Variants in XIRP2 observed in about 807,000 individuals in gnomAD.
The protein encoded by XIRP2 is xin actin binding repeat containing 2.
Under a neutral mutation model 277.0 loss-of-function variants are expected in XIRP2, and 236 were observed. The ratio of observed to expected loss-of-function variants is 0.85; its 90% CI spans 0.77 to 0.95. The LOEUF (loss-of-function observed/expected upper bound fraction) is 0.95, where lower values mean the gene tolerates loss of function less well. Among genes scored for constraint, XIRP2 ranks in the 40% least tolerant of loss-of-function variants. The pLI is 0.00. For synonymous variants in XIRP2, 1,490 were observed against 1,416.5 expected, an observed-to-expected ratio of 1.05 and a Z score of -1.17; for missense variants, 4,640 against 4,157.5, an observed-to-expected ratio of 1.12 and a Z score of -3.19.
chr2:167,220,793 G>T (rs757038724), intron 5 of XIRP2, among the ~76,000 whole-genome samples: 1 of 152,140 alleles, frequency 6.6e-6, no homozygotes, highest in Non-Finnish European at 1.5e-5. Context: ...TCAGCATATG[G>T]TTTTCAATGA....
At chr2:166,910,379 G>C (rs1684666636) in intron 2 of XIRP2, among the ~76,000 whole-genome samples, 1 of 152,142 alleles carries the variant, frequency 6.6e-6, no homozygotes, top group African/African-American at 2.4e-5. Context: ...ATTTCTTCTA[G>C]ATTTTCTAGT....
intron 2 of XIRP2, among the ~76,000 whole-genome samples, chr2:167,122,681 C>T (rs1691090174): frequency 6.6e-6 from 1 of 152,154 alleles, no homozygotes; most frequent in Non-Finnish European, 1.5e-5. Context: ...TGGCTGCCTA[C>T]TTAGTGTACT....
intron 2 of XIRP2, among the ~76,000 whole-genome samples, chr2:167,114,913 G>A (rs535383351): frequency 7.9e-5 from 12 of 152,190 alleles, no homozygotes; most frequent in African/African-American, 2.4e-4. Context: ...ATACGTGTGT[G>A]TGTGTCTTTA....
chr2:167,217,693 G>T (rs1413913417), intron 4 of XIRP2, among the ~76,000 whole-genome samples: 1 of 152,052 alleles, frequency 6.6e-6, no homozygotes, highest in African/African-American at 2.4e-5. Flanking sequence ...ATATTCTGAG[G>T]CTATTTTGTT....
At chr2:166,984,197 G>A (rs553364196) in intron 2 of XIRP2, among the ~76,000 whole-genome samples, 1 of 152,130 alleles carries the variant, frequency 6.6e-6, no homozygotes, top group Non-Finnish European at 1.5e-5. Context: ...TTGGTTTCTT[G>A]TCACTAAATG....
chr2:167,136,118 G>A (rs1215032270), intron 3 of XIRP2, 56 bp downstream of exon 3: 10 of 1,425,208 alleles, frequency 7.0e-6, no homozygotes, highest in South Asian at 5.1e-5. Flanking sequence ...CAACATGAGT[G>A]GTTAATAAAT....
chr2:167,099,786 C>T (rs1042088449), intron 2 of XIRP2, among the ~76,000 whole-genome samples: 2 of 151,990 alleles, frequency 1.3e-5, no homozygotes, highest in African/African-American at 4.8e-5. Flanking sequence ...TTGTGCTTCC[C>T]GGGTGAGATA....
intron 3 of XIRP2, chr2:167,187,622 C>T: frequency 4.7e-6 from 4 of 843,338 alleles, no homozygotes; most frequent in Non-Finnish European, 5.7e-6. Context: ...GACCATAGGT[C>T]AAATTGTAAT....
intron 2 of XIRP2, among the ~76,000 whole-genome samples, chr2:167,050,582 G>A (rs919885409): frequency 2.6e-5 from 4 of 151,932 alleles, no homozygotes; most frequent in Non-Finnish European, 2.9e-5. Context: ...GGCAGTCTAC[G>A]GGAAGAGAAG....
intron 2 of XIRP2, among the ~76,000 whole-genome samples, chr2:167,039,762 GA>G (rs2105518202): frequency 6.6e-6 from 1 of 152,248 alleles, no homozygotes; most frequent in South Asian, 2.1e-4. Context: ...TAATATATTG[GA>G]ATTTATAAGT....
chr2:167,125,741 G>C (rs1691182304), intron 2 of XIRP2, among the ~76,000 whole-genome samples: 1 of 152,032 alleles, frequency 6.6e-6, no homozygotes, highest in Non-Finnish European at 1.5e-5. Flanking sequence ...AATATTTTCT[G>C]GTTCTTTATT....
intron 2 of XIRP2, among the ~76,000 whole-genome samples, chr2:167,099,321 T>C (rs1690421870): frequency 6.6e-6 from 1 of 152,146 alleles, no homozygotes; most frequent in African/African-American, 2.4e-5. Flanking sequence ...GAAAACTGCC[T>C]ACTCAAGCCT....
At chr2:167,193,945 G>T (rs573363796) in intron 3 of XIRP2, among the ~76,000 whole-genome samples, 1 of 151,302 alleles carries the variant, frequency 6.6e-6, no homozygotes, top group East Asian at 1.9e-4. Flanking sequence ...TTTGTATTGA[G>T]GAAGTGTCAA....
intron 2 of XIRP2, among the ~76,000 whole-genome samples, chr2:167,013,740 A>G (rs989654826): frequency 9.2e-5 from 14 of 151,672 alleles, no homozygotes; most frequent in Non-Finnish European, 1.6e-4. Flanking sequence ...AAAGTAACTT[A>G]TAGACAGAAA....
chr2:167,239,858 G>T lies in XIRP2; in HGVS notation c.862G>T (p.Ala288Ser), dbSNP rs552549925. The change falls in exon 6 of 11, where the codon GCA becomes TCA. Residue 288 changes from alanine to serine, a missense_variant. Transcript: ENST00000409195. Reference protein sequence around the residue: ...YQHQNRSEQEAIHSSQVGTSR... With the variant: ...YQHQNRSEQESIHSSQVGTSR... The stretch of plus-strand genomic sequence containing the variant: ...CTGTCTGTCTGTGTGCTTTCAGGAG[G>T]CAATTCATAGCAGCCAGGTTGGCAC... The T allele has an allele frequency of 1.3e-4, 207 of 1,604,354 alleles. No individual in the cohort carries two copies. In the East Asian group the frequency reaches 4.2e-3, roughly 33 times the overall value.
rs748889854 is a variant in XIRP2 at position 167,244,838 on chromosome 2, T to C, written c.3446T>C (p.Leu1149Ser). The C allele has an allele frequency of 1.7e-5, 28 of 1,613,584 alleles. No homozygotes were observed. The highest frequency in any genetic ancestry group is 2.2e-5 in the Non-Finnish European group (26 of 1,179,752). The change falls in exon 9 of 11, where the codon TTG becomes TCG. Residue 1149 changes from leucine (L) to serine (S), a missense_variant. Coordinates refer to ENST00000409195, the MANE Select transcript of XIRP2 (RefSeq NM_152381.6). The part of the protein sequence containing the change: ...IKDDSETAVK[L>S]QTVKQEEIQG... The stretch of plus-strand genomic sequence containing the variant: ...GATGACTCTGAAACAGCAGTCAAAT[T>C]GCAAACTGTAAAACAGGAGGAGATC...
At chr2:167,054,514 T>G (rs976931906) in intron 2 of XIRP2, among the ~76,000 whole-genome samples, 1 of 152,046 alleles carries the variant, frequency 6.6e-6, no homozygotes, top group African/African-American at 2.4e-5. Context: ...TGAAACCCCA[T>G]CTCTGCTAAA....
intron 2 of XIRP2, among the ~76,000 whole-genome samples, chr2:167,127,902 G>A (rs577367075): frequency 1.3e-5 from 2 of 152,276 alleles, no homozygotes; most frequent in South Asian, 4.1e-4. Context: ...GGTCCCCCTG[G>A]GGGTTCATCC....
At chr2:167,109,674 T>TA (rs1690701224) in intron 2 of XIRP2, among the ~76,000 whole-genome samples, 5 of 152,200 alleles carry the variant, frequency 3.3e-5, no homozygotes, top group Admixed American at 3.3e-4. Context: ...TGAACATATA[T>TA]ATGCATGTGT....
Sources: gnomAD v4.1 joint callset for allele counts (sites outside exome capture counted in the v4.1 genomes callset) on GRCh38, gnomAD v4.1.1 for gene constraint, MANE v1.5 for transcripts, NCBI Gene and HGNC (gene_info 2026-07-23, HGNC 2026-07-21) for gene names.